The following FYN variants were observed in gnomAD, a reference collection of about 807,000 sequenced individuals.
FYN encodes FYN proto-oncogene, Src family tyrosine kinase.
In FYN, 10 loss-of-function variants were observed where a neutral mutation model predicts 70.2. The observed-to-expected ratio is 0.14, with a 90% CI of 0.09 to 0.24. FYN has a LOEUF of 0.24. FYN is among the 10% of genes least tolerant of loss of function. The pLI is 1.00. For synonymous variants in FYN, 236 were observed against 248.6 expected, an observed-to-expected ratio of 0.95 and a Z score of 0.48; for missense variants, 319 against 673.1, an observed-to-expected ratio of 0.47 and a Z score of 5.82.
chr6:111,734,130 G>A (rs563280370), intron 3 of FYN, among the ~76,000 whole-genome samples: 80 of 152,226 alleles, frequency 5.3e-4, no homozygotes, highest in African/African-American at 1.7e-3. Flanking sequence ...AAAAATGTGA[G>A]CTTCAACAAG....
chr6:111,798,778 A>G (rs1022649), intron 2 of FYN, among the ~76,000 whole-genome samples: 47,410 of 152,176 alleles, frequency 0.31, 12,063 homozygotes, highest in African/African-American at 0.71. Context: ...AAGAATAAAC[A>G]AAAAGCGTTC....
chr6:111,749,953 A>G (rs1802410905), intron 3 of FYN, among the ~76,000 whole-genome samples: 1 of 152,032 alleles, frequency 6.6e-6, no homozygotes, highest in Non-Finnish European at 1.5e-5. Context: ...AAAAAATCCC[A>G]TAATTTGCAT....
chr6:111,815,986 C>G (rs1772478031), intron 2 of FYN, among the ~76,000 whole-genome samples: 1 of 152,152 alleles, frequency 6.6e-6, no homozygotes, highest in African/African-American at 2.4e-5. Context: ...AAGTGTGAGC[C>G]ACCATGCCTG....
chr6:111,759,816 A>G (rs757458299), intron 3 of FYN: 12 of 152,222 alleles, frequency 7.9e-5, no homozygotes, highest in Non-Finnish European at 1.8e-4. Flanking sequence ...AGAATCTAAC[A>G]CTGTGTTCAG....
In FYN at chr6:111,848,882, T is replaced by A. The variant is rs547961055; in HGVS notation, c.-122-2253A>T. On this transcript the variant is annotated intron_variant, in intron 1 of 13. Coordinates refer to ENST00000354650, the MANE Select transcript of FYN (RefSeq NM_002037.5). The stretch of plus-strand genomic sequence containing the variant: ...TCATATTTTCTTAAAAATCATTTTT[T>A]AAAAATTGACCAATTATCTTCCTAA... Among the ~76,000 whole-genome samples the A allele has an allele frequency of 2.0e-5, 3 of 152,388 alleles. No individual in the cohort carries two copies. The East Asian group carries it at 5.8e-4, about 29-fold the overall frequency.
chr6:111,743,031 A>ATC (rs2128480657), intron 3 of FYN, among the ~76,000 whole-genome samples: 1 of 149,980 alleles, frequency 6.7e-6, no homozygotes, highest in East Asian at 2.0e-4. Context: ...CAGTGGCACG[A>ATC]TCTCGGCTCG....
At position 111,674,526 on chromosome 6, in the gene FYN, C is replaced by T; in HGVS notation, c.1378G>A (p.Val460Ile). 1 of 1,613,784 alleles carries T rather than the reference C, an allele frequency of 6.2e-7. No homozygotes were observed. The change falls in exon 13 of 14, where the codon GTC (valine) becomes ATC (isoleucine). Residue 460 changes from valine (V) to isoleucine (I), a missense_variant. This residue lies in a region of FYN where 64 missense variants were observed against 223.0 expected (regional missense o/e 0.29). Transcript: ENST00000354650. ...GGGTATGGCACTCTTCCTTTGGTGA[C>T]CAGCTCTGTGAGTAAGATTCCAAAA... ...WSFGILLTEL[V>I]TKGRVPYPGM...
At chr6:111,716,209 C>T (rs998838887) in intron 4 of FYN, among the ~76,000 whole-genome samples, 5 of 152,226 alleles carry the variant, frequency 3.3e-5, no homozygotes. Context: ...CAGCCCAAAT[C>T]CTCCTAGCTC....
rs992283842 is a variant in FYN at position 111,694,029 on chromosome 6, G to A, written c.1273+346C>T. Reference sequence around the variant, plus strand: ...TGCCTGTGCCTTTGTAAAAAACACAGGCATGTGAGAATGTGAGAATAAATG... The same window carrying A: ...TGCCTGTGCCTTTGTAAAAAACACAAGCATGTGAGAATGTGAGAATAAATG... On this transcript the variant is annotated intron_variant, in intron 12 of 13. Transcript: ENST00000354650. This position sits in a 1 kb window ranked among gnomAD's most constrained non-coding sequence, Gnocchi z 5.0. 6.6e-6 allele frequency among the ~76,000 whole-genome samples: 1 copy of A among 152,134 alleles called. No individual in the cohort carries two copies. Among genetic ancestry groups the A allele is most frequent in the East Asian group, 1.9e-4 (1 of 5,196 alleles).
At chr6:111,764,216 C>CAAAAAAAAAAAAAAAAAA (rs11409465) in intron 3 of FYN, among the ~76,000 whole-genome samples, 11 of 58,366 alleles carry the variant, frequency 1.9e-4, no homozygotes, top group East Asian at 8.5e-4. Context: ...TTTTGTCAAG[C>CAAAAAAAAAAAAAAAAAA]AAAAAAAAAA....
chr6:111,706,888 A>C (rs1200457644), intron 6 of FYN, among the ~76,000 whole-genome samples: 1 of 152,202 alleles, frequency 6.6e-6, no homozygotes, highest in African/African-American at 2.4e-5. Context: ...TGATGACGAA[A>C]CACAGTCACT....
rs965882002 is a variant in FYN, at chr6:111,675,664, G to A, written c.1274-1034C>T. 8.6e-5 allele frequency among the ~76,000 whole-genome samples: 13 copies of A among 152,038 alleles called. No homozygotes were observed. In the East Asian group the frequency reaches 2.3e-3, roughly 27 times the overall value. On this transcript the variant is annotated intron_variant, in intron 12 of 13. Coordinates refer to ENST00000354650, the MANE Select transcript of FYN (RefSeq NM_002037.5). ...AAAAATTAGCCAGGCATGGTGGCAC[G>A]AGCCTGTAGTCCCAGCTACTTGGGA...
At chr6:111,771,093 G>C (rs1464290448) in intron 3 of FYN, among the ~76,000 whole-genome samples, 1 of 152,104 alleles carries the variant, frequency 6.6e-6, no homozygotes, top group East Asian at 1.9e-4. Context: ...CCAAACTCAA[G>C]AATAATTCTG....
At chr6:111,689,064 GAGGTGATA>G (rs1005293147) in intron 12 of FYN, among the ~76,000 whole-genome samples, 2 of 152,132 alleles carry the variant, frequency 1.3e-5, no homozygotes, top group African/African-American at 4.8e-5. Flanking sequence ...ACAAAAAGTT[GAGGTGATA>G]AGGATGATTT....
intron 7 of FYN, among the ~76,000 whole-genome samples, chr6:111,703,790 AAG>A (rs1385356574): frequency 1.3e-4 from 20 of 152,280 alleles, no homozygotes; most frequent in African/African-American, 4.6e-4. Context: ...TTTCAGGAGG[AAG>A]GTCTTGATTT....
intron 3 of FYN, among the ~76,000 whole-genome samples, chr6:111,731,604 A>G (rs1277938650): frequency 1.3e-5 from 2 of 152,224 alleles, no homozygotes; most frequent in African/African-American, 4.8e-5. Context: ...TAACTTTTGC[A>G]TCCCCTGCCG....
chr6:111,679,211 C>A (rs1798679758), intron 12 of FYN, among the ~76,000 whole-genome samples: 1 of 152,222 alleles, frequency 6.6e-6, no homozygotes, highest in African/African-American at 2.4e-5. Context: ...CTAATTCTTA[C>A]TTCTCTTTTG....
At chr6:111,854,642 T>C (rs1285268612) in intron 1 of FYN, among the ~76,000 whole-genome samples, 2 of 152,254 alleles carry the variant, frequency 1.3e-5, no homozygotes, top group African/African-American at 4.8e-5. Context: ...TTTTTGTCAT[T>C]TATTGAATCG....
chr6:111,669,313 T>C (rs190602217), intron 13 of FYN, among the ~76,000 whole-genome samples: 15 of 151,812 alleles, frequency 9.9e-5, no homozygotes, highest in Non-Finnish European at 1.9e-4. Context: ...CGGGTGCCTG[T>C]AATCCCAGCT....
Sources: allele counts gnomAD v4.1 joint callset (sites outside exome capture counted in the v4.1 genomes callset), GRCh38; gene constraint gnomAD v4.1.1; regional missense constraint gnomAD v4.1.1; non-coding constraint Gnocchi (gnomAD v3.1); transcripts MANE v1.5; gene names NCBI Gene and HGNC (gene_info 2026-07-23, HGNC 2026-07-21).